Variants in WWOX observed in about 807,000 individuals in gnomAD.
WWOX encodes the protein WW domain containing oxidoreductase.
WWOX carries 69 observed loss-of-function variants against 46.2 expected under a neutral mutation model. That is an observed-to-expected ratio of 1.49 (90% CI 1.23 to 1.82). The LOEUF is 1.82. Among genes scored for constraint, WWOX ranks in the 40% most tolerant of loss-of-function variants. The pLI, the probability that WWOX is intolerant of heterozygous loss-of-function variation, is 0.00. For missense variants in WWOX, 919 were observed against 542.6 expected, an observed-to-expected ratio of 1.69 and a Z score of -6.89; for synonymous variants, 359 against 202.6, an observed-to-expected ratio of 1.77 and a Z score of -6.56.
intron 5 of WWOX, among the ~76,000 whole-genome samples, chr16:78,187,410 A>G (rs1674472786): frequency 6.6e-6 from 1 of 152,190 alleles, no homozygotes; most frequent in Non-Finnish European, 1.5e-5. Flanking sequence ...CGGGAGTTCT[A>G]GACCAACATG....
rs376320385 is a variant in WWOX at position 78,432,479 on chromosome 16, A to G, written c.792-9A>G. 3.0e-5 allele frequency: 49 copies of G among 1,608,674 alleles called. No individual in the cohort carries two copies. The highest frequency in any genetic ancestry group is 4.4e-5 in the South Asian group (4 of 90,922). On this transcript the variant is annotated splice_polypyrimidine_tract_variant and intron_variant, in intron 7 of 8. Transcript: ENST00000566780. ...TTGGTTGCTTCATGTCATATTTCCT[A>G]TTTTTAAGATTTACAGATATTAACG... is the stretch of plus-strand genomic sequence containing the variant.
chr16:78,755,737 T>C (rs751548195), intron 8 of WWOX, among the ~76,000 whole-genome samples: 8 of 152,128 alleles, frequency 5.3e-5, no homozygotes, highest in Non-Finnish European at 7.3e-5. Context: ...CTATTAAATA[T>C]GCCGAATATT....
chr16:78,656,779 C>A (rs769394076), intron 8 of WWOX, among the ~76,000 whole-genome samples: 1 of 152,178 alleles, frequency 6.6e-6, no homozygotes, highest in Non-Finnish European at 1.5e-5. Context: ...CTTCCAAACC[C>A]AAGCGCCACA....
intron 8 of WWOX, among the ~76,000 whole-genome samples, chr16:79,029,911 T>C (rs1016985689): frequency 1.3e-5 from 2 of 152,188 alleles, no homozygotes; most frequent in Non-Finnish European, 2.9e-5. Flanking sequence ...ACGCATATGG[T>C]CACTTTACTG....
At chr16:78,337,805 C>G (rs761029129) in intron 5 of WWOX, among the ~76,000 whole-genome samples, 2 of 56,918 alleles carry the variant, frequency 3.5e-5, no homozygotes, top group Non-Finnish European at 5.5e-5. Context: ...GCTAGAGTTT[C>G]TTGGCTATCC....
chr16:78,211,564 G>C (rs962727958), intron 5 of WWOX, among the ~76,000 whole-genome samples: 3 of 152,148 alleles, frequency 2.0e-5, no homozygotes, highest in Admixed American at 1.3e-4. Context: ...TCCTGCTGCT[G>C]CTGCTGCTGC....
chr16:78,992,668 A>G (rs1016684905), intron 8 of WWOX, among the ~76,000 whole-genome samples: 1 of 152,172 alleles, frequency 6.6e-6, no homozygotes, highest in African/African-American at 2.4e-5. Context: ...GTTGGCCCAC[A>G]GAAGCCTCAA....
intron 8 of WWOX, among the ~76,000 whole-genome samples, chr16:79,009,763 TC>T (rs2047266174): frequency 6.6e-6 from 1 of 152,034 alleles, no homozygotes; most frequent in Non-Finnish European, 1.5e-5. Flanking sequence ...CATCAAATTT[TC>T]AAAGGAAGAA....
At chr16:79,110,488 T>G (rs1476319074) in intron 8 of WWOX, among the ~76,000 whole-genome samples, 1 of 152,176 alleles carries the variant, frequency 6.6e-6, no homozygotes, top group Admixed American at 6.5e-5. Context: ...TGCTGTTCTC[T>G]CTGCTAGAAT....
At chr16:78,581,390 G>C (rs190497328) in intron 8 of WWOX, among the ~76,000 whole-genome samples, 1 of 152,218 alleles carries the variant, frequency 6.6e-6, no homozygotes, top group East Asian at 1.9e-4. Flanking sequence ...AATACAGAAT[G>C]AGCCTTAAAT....
intron 8 of WWOX, among the ~76,000 whole-genome samples, chr16:78,770,708 G>C (rs1392556687): frequency 1.3e-5 from 2 of 151,504 alleles, no homozygotes; most frequent in African/African-American, 4.9e-5. Flanking sequence ...GCCCCTATGG[G>C]AGCTTCGCAC....
intron 8 of WWOX, among the ~76,000 whole-genome samples, chr16:79,157,262 C>A (rs766406830): frequency 1.3e-5 from 2 of 152,072 alleles, no homozygotes; most frequent in Non-Finnish European, 2.9e-5. Context: ...AAGTGGTGGC[C>A]TTTAGTTCAT....
chr16:78,633,939 C>G (rs1203071622), intron 8 of WWOX, among the ~76,000 whole-genome samples: 1 of 149,196 alleles, frequency 6.7e-6, no homozygotes, highest in East Asian at 2.0e-4. Context: ...GAGAACAGTT[C>G]CAGCTCTGCC....
At chr16:78,128,488 C>T (rs376292085) in intron 4 of WWOX, among the ~76,000 whole-genome samples, 4 of 152,138 alleles carry the variant, frequency 2.6e-5, no homozygotes, top group African/African-American at 7.2e-5. Context: ...TTGGGTGATG[C>T]GATTTCTTCC....
intron 8 of WWOX, among the ~76,000 whole-genome samples, chr16:78,868,056 G>A (rs2044044725): frequency 6.6e-6 from 1 of 152,118 alleles, no homozygotes; most frequent in Non-Finnish European, 1.5e-5. Flanking sequence ...GAAAATAAAT[G>A]CTTATACAAA....
chr16:78,193,837 A>T (rs1034775411), intron 5 of WWOX, among the ~76,000 whole-genome samples: 1 of 147,950 alleles, frequency 6.8e-6, no homozygotes, highest in Admixed American at 6.7e-5. Context: ...TATTATTATT[A>T]TTTTCAATTT....
intron 5 of WWOX, among the ~76,000 whole-genome samples, chr16:78,187,987 C>G (rs973690708): frequency 6.6e-6 from 1 of 152,214 alleles, no homozygotes; most frequent in African/African-American, 2.4e-5. Context: ...AATTTAATTA[C>G]TATAACATCA....
chr16:78,278,811 A>G (rs2079627080), intron 5 of WWOX: 1 of 720,998 alleles, frequency 1.4e-6, no homozygotes, highest in African/African-American at 1.8e-5. Context: ...TTTAATTTAT[A>G]CCTTTATCAG....
intron 5 of WWOX, among the ~76,000 whole-genome samples, chr16:78,240,166 T>C (rs1362295576): frequency 6.6e-6 from 1 of 152,028 alleles, no homozygotes; most frequent in Non-Finnish European, 1.5e-5. Context: ...CTAAATCCAA[T>C]GACGGTTATC....
Sources: gnomAD v4.1 joint callset for allele counts (sites outside exome capture counted in the v4.1 genomes callset) on GRCh38, gnomAD v4.1.1 for gene constraint, MANE v1.5 for transcripts, NCBI Gene and HGNC (gene_info 2026-07-23, HGNC 2026-07-21) for gene names.